The following TBCD variants were observed in gnomAD, a reference collection of about 807,000 sequenced individuals.
The protein encoded by TBCD is tubulin-specific chaperone D.
In TBCD, 105 loss-of-function variants were observed where a neutral mutation model predicts 169.3. The observed-to-expected ratio is 0.62, with a 90% CI of 0.53 to 0.73. The LOEUF is 0.73. TBCD is among the 30% of genes least tolerant of loss of function. TBCD has a pLI of 0.00. For synonymous variants in TBCD, 700 were observed against 643.9 expected (o/e 1.09, Z -1.32); for missense variants, 1,444 against 1,600.1 (o/e 0.90, Z 1.66).
At chr17:82,841,464 C>T (rs1023669549) in intron 13 of TBCD, among the ~76,000 whole-genome samples, 11 of 152,060 alleles carry the variant, frequency 7.2e-5, no homozygotes, top group South Asian at 4.1e-4. Flanking sequence ...ACTACAGGCA[C>T]GGTCACTATG....
intron 12 of TBCD, among the ~76,000 whole-genome samples, chr17:82,813,038 G>A (rs2051570677): frequency 6.6e-6 from 1 of 151,696 alleles, no homozygotes; most frequent in African/African-American, 2.4e-5. Flanking sequence ...GCCCAGGCTA[G>A]TCTTGAACTC....
chr17:82,941,965 G>C lies in TBCD; in HGVS notation c.3564+482G>C, dbSNP rs765555674. 2.6e-5 allele frequency: 6 copies of C among 230,610 alleles called. No individual in the cohort carries two copies. The South Asian group carries it at 3.1e-4, about 12-fold the overall frequency. The allele number at this position is 230,610 out of a possible 1,614,324, so 14.3% of individuals were successfully genotyped here. ...GGCTGGGGCCCAGGGTTGCTGTGCTGTCTCTCTAGTTACCAGGGTTGGCTC... is the reference window on the plus strand; with the variant it reads ...GGCTGGGGCCCAGGGTTGCTGTGCTCTCTCTCTAGTTACCAGGGTTGGCTC... On this transcript the variant is annotated intron_variant, in intron 38 of 38. Transcript: ENST00000355528.
chr17:82,801,218 A>T (rs1225640446), intron 9 of TBCD, among the ~76,000 whole-genome samples: 3 of 152,074 alleles, frequency 2.0e-5, no homozygotes, highest in African/African-American at 7.2e-5. Context: ...GGGCAGGCCG[A>T]GCCGTAGGTG....
At chr17:82,859,964 C>A in intron 13 of TBCD, 2 of 887,340 alleles carry the variant, frequency 2.3e-6, no homozygotes, top group East Asian at 1.2e-4. Flanking sequence ...CGTGGTCCTG[C>A]TCTTGGGCTT....
chr17:82,891,667 G>T (rs1265101873), intron 16 of TBCD, among the ~76,000 whole-genome samples: 3 of 152,114 alleles, frequency 2.0e-5, no homozygotes, highest in African/African-American at 7.2e-5. Context: ...CTAATACACA[G>T]ATTTGGAATG....
chr17:82,828,150 CA>C (rs2053074797), intron 13 of TBCD, among the ~76,000 whole-genome samples: 1 of 142,952 alleles, frequency 7.0e-6, no homozygotes, highest in South Asian at 2.3e-4. Context: ...TGCATACACC[CA>C]CAGACACACA....
intron 38 of TBCD, chr17:82,941,980 A>G (rs1483067803): frequency 1.7e-5 from 4 of 232,918 alleles, no homozygotes; most frequent in Non-Finnish European, 2.5e-5. Context: ...TCTAGTTACC[A>G]GGGTTGGCTC....
rs565853178 is a variant in TBCD at position 82,861,725 on chromosome 17, G to C, written c.1319-8499G>C. Among the ~76,000 whole-genome samples, 220 of 152,276 alleles carry C rather than the reference G, an allele frequency of 1.4e-3. 9 individuals are homozygous for C. In the South Asian group the frequency reaches 0.044, roughly 30 times the overall value. On this transcript the variant is annotated intron_variant, in intron 13 of 38. Transcript: ENST00000355528. ...GCTGGTGTGGCCGTGGCACATACCG[G>C]GCTTTTTACGTCTCTTCTAGGGAGT...
At chr17:82,877,172 G>A (rs1456717007) in intron 14 of TBCD, among the ~76,000 whole-genome samples, 1 of 152,194 alleles carries the variant, frequency 6.6e-6, no homozygotes, top group Admixed American at 6.5e-5. Flanking sequence ...TCCTCTTGTG[G>A]CAAATGTTAA....
At chr17:82,910,725 C>T (rs2060577724) in intron 22 of TBCD, among the ~76,000 whole-genome samples, 1 of 152,118 alleles carries the variant, frequency 6.6e-6, no homozygotes, top group African/African-American at 2.4e-5. Flanking sequence ...CCCATCATGC[C>T]CACCTAATTT....
intron 14 of TBCD, among the ~76,000 whole-genome samples, chr17:82,872,750 G>A (rs553283182): frequency 6.6e-6 from 1 of 152,388 alleles, no homozygotes; most frequent in East Asian, 1.9e-4. Flanking sequence ...GGTGGGCAGG[G>A]GCCACCGTCA....
At chr17:82,860,809 G>A (rs777944113) in intron 13 of TBCD, among the ~76,000 whole-genome samples, 22 of 152,168 alleles carry the variant, frequency 1.4e-4, no homozygotes, top group Non-Finnish European at 1.2e-4. Flanking sequence ...TGTCCCGAGC[G>A]GAGGGTCTCT....
Position 82,923,577 on chromosome 17 carries a change from T to C in TBCD, c.2179-75T>C. The C allele has an allele frequency of 1.6e-6, 2 of 1,246,138 alleles. No individual in the cohort carries two copies. The highest frequency in any genetic ancestry group is 1.3e-5 in the South Asian group (1 of 75,838). The allele number at this position is 1,246,138 out of a possible 1,614,324, so 77.2% of individuals were successfully genotyped here. A position where few individuals can be genotyped will look rare whatever the true frequency, so the allele number is the denominator to read the frequency against. ...GTCAGGTGCTTCTCCGACTTCAGAG[T>C]GACCTGCTCTGTCCCTGGCCGGGGG... is the stretch of plus-strand genomic sequence containing the variant. On this transcript the variant is annotated intron_variant, in intron 25 of 38. Transcript: ENST00000355528. The surrounding 1 kb of genome is among the most constrained non-coding windows in gnomAD (Gnocchi z 4.6).
chr17:82,793,757 T>C (rs1220485366), intron 7 of TBCD, among the ~76,000 whole-genome samples: 3 of 152,244 alleles, frequency 2.0e-5, no homozygotes, highest in African/African-American at 4.8e-5. Flanking sequence ...CTGTGTGGCA[T>C]GCCCAAGAGT....
intron 13 of TBCD, among the ~76,000 whole-genome samples, chr17:82,823,148 T>C (rs1176555729): frequency 6.6e-6 from 1 of 152,216 alleles, no homozygotes; most frequent in African/African-American, 2.4e-5. Flanking sequence ...GGGCATTCCC[T>C]CCCTGGTAGA....
At chr17:82,758,061 C>T (rs1465531189) in intron 2 of TBCD, among the ~76,000 whole-genome samples, 4 of 152,140 alleles carry the variant, frequency 2.6e-5, no homozygotes, top group Middle Eastern at 3.4e-3. Flanking sequence ...TAGAGTACTG[C>T]GAATGATTTT....
intron 7 of TBCD, among the ~76,000 whole-genome samples, chr17:82,784,417 C>T (rs753414193): frequency 1.4e-4 from 21 of 152,010 alleles, no homozygotes; most frequent in South Asian, 4.2e-4. Flanking sequence ...TCATTGCTAT[C>T]GTGGAGGTCA....
rs1235760866 is a variant in TBCD, at chr17:82,930,156, T to C, written c.2992-366T>C. The C allele has an allele frequency of 6.8e-6, 2 of 295,946 alleles. No individual in the cohort carries two copies. Among genetic ancestry groups the C allele is most frequent in the African/African-American group, 2.2e-5 (1 of 45,266 alleles). 18.3% of individuals were successfully genotyped at this position (295,946 alleles called of 1,614,324 possible). On this transcript the variant is annotated intron_variant, in intron 32 of 38. Coordinates refer to ENST00000355528, the MANE Select transcript of TBCD (RefSeq NM_005993.5). The surrounding 1 kb of genome is among the most constrained non-coding windows in gnomAD (Gnocchi z 5.2). ...CGCGTGCGGGGAGACCCGGGCCACA[T>C]GCGAGCGGGGCCCCGAGACATTCTG...
intron 8 of TBCD, among the ~76,000 whole-genome samples, chr17:82,799,673 A>G (rs551001074): frequency 1.3e-5 from 2 of 152,124 alleles, no homozygotes; most frequent in Non-Finnish European, 2.9e-5. Flanking sequence ...ACTTCCATAC[A>G]TGTCTCTGGA....
Sources: gnomAD v4.1 joint callset for allele counts (sites outside exome capture counted in the v4.1 genomes callset) on GRCh38, gnomAD v4.1.1 for gene constraint, Gnocchi (gnomAD v3.1) non-coding constraint, MANE v1.5 for transcripts, NCBI Gene and HGNC (gene_info 2026-07-23, HGNC 2026-07-21) for gene names.